Variants in SLC24A3 observed in about 807,000 individuals in gnomAD.
SLC24A3 encodes the protein sodium/potassium/calcium exchanger 3.
In SLC24A3, 28 loss-of-function variants were observed where a neutral mutation model predicts 75.8. The ratio of observed to expected loss-of-function variants is 0.37; its 90% CI spans 0.27 to 0.51. The LOEUF (loss-of-function observed/expected upper bound fraction) is 0.51. SLC24A3 is among the 20% of genes least tolerant of loss of function. SLC24A3 has a pLI of 0.94. For synonymous variants in SLC24A3, 372 were observed against 334.1 expected (o/e 1.11, Z -1.24); for missense variants, 663 against 847.8 (o/e 0.78, Z 2.71).
In SLC24A3 at chr20:19,316,845, A is replaced by G. The variant is rs1984599502; in HGVS notation, c.271+35758A>G. Among the ~76,000 whole-genome samples, 4 of 152,158 alleles carry G rather than the reference A, an allele frequency of 2.6e-5. No homozygotes were observed. In the South Asian group the frequency reaches 8.3e-4, roughly 31 times the overall value. On this transcript the variant is annotated intron_variant, in intron 2 of 16. Transcript: ENST00000328041. ...CTTTTTTTAAAAATTTCCTACTTTT[A>G]TTTTAAGTTCAGGGGTACATGTGCA...
chr20:19,545,117 C>T (rs895939735), intron 3 of SLC24A3, among the ~76,000 whole-genome samples: 10 of 152,146 alleles, frequency 6.6e-5, no homozygotes, highest in African/African-American at 2.4e-4. Context: ...TTACTAGGCT[C>T]CAAGTGGTGA....
chr20:19,604,712 G>T (rs908531336), intron 6 of SLC24A3, among the ~76,000 whole-genome samples: 1 of 152,166 alleles, frequency 6.6e-6, no homozygotes, highest in Non-Finnish European at 1.5e-5. Flanking sequence ...CTCCGCCAGA[G>T]CCCTGGATGC....
chr20:19,363,429 C>T (rs1242391981), intron 2 of SLC24A3, among the ~76,000 whole-genome samples: 2 of 152,228 alleles, frequency 1.3e-5, no homozygotes, highest in African/African-American at 2.4e-5. Context: ...TTCTTAAGTT[C>T]ATTATCCAGA....
intron 2 of SLC24A3, among the ~76,000 whole-genome samples, chr20:19,497,275 C>T (rs151177007): frequency 5.7e-4 from 87 of 152,312 alleles, no homozygotes; most frequent in African/African-American, 2.0e-3. Flanking sequence ...GAACTCCAAA[C>T]CAGTCCCTTT....
At chr20:19,715,075 C>T (rs2033030338) in intron 15 of SLC24A3, among the ~76,000 whole-genome samples, 1 of 152,230 alleles carries the variant, frequency 6.6e-6, no homozygotes, top group African/African-American at 2.4e-5. Flanking sequence ...TACAGTTTCA[C>T]ATCTACCCAA....
chr20:19,559,849 C>T (rs958057578), intron 3 of SLC24A3, among the ~76,000 whole-genome samples: 2 of 151,992 alleles, frequency 1.3e-5, no homozygotes, highest in African/African-American at 4.8e-5. Context: ...CAAAAGCAAA[C>T]CCTAGATGAG....
chr20:19,459,818 A>T (rs1246510930), intron 2 of SLC24A3, among the ~76,000 whole-genome samples: 1 of 152,074 alleles, frequency 6.6e-6, no homozygotes, highest in African/African-American at 2.4e-5. Context: ...TCCCACCCCC[A>T]TTTGGACCAA....
chr20:19,501,147 A>ACTT (rs1275050328), intron 2 of SLC24A3, among the ~76,000 whole-genome samples: 4 of 152,154 alleles, frequency 2.6e-5, no homozygotes, highest in African/African-American at 9.7e-5. Context: ...GAAGTAATTG[A>ACTT]CTTATAATGG....
At chr20:19,472,097 G>A (rs780774387) in intron 2 of SLC24A3, among the ~76,000 whole-genome samples, 49 of 151,992 alleles carry the variant, frequency 3.2e-4, no homozygotes, top group South Asian at 8.3e-4. Flanking sequence ...GGGGTCCACG[G>A]ATCCCTGGAA....
intron 2 of SLC24A3, among the ~76,000 whole-genome samples, chr20:19,381,029 A>G (rs1160168448): frequency 2.0e-5 from 3 of 152,206 alleles, no homozygotes; most frequent in Non-Finnish European, 4.4e-5. Flanking sequence ...TGGTAGGACA[A>G]TATAAGAGTG....
chr20:19,393,674 T>G (rs1219062651), intron 2 of SLC24A3, among the ~76,000 whole-genome samples: 1 of 152,178 alleles, frequency 6.6e-6, no homozygotes, highest in African/African-American at 2.4e-5. Context: ...ATTTGTCCAT[T>G]CAAAACTACA....
intron 9 of SLC24A3, among the ~76,000 whole-genome samples, chr20:19,675,449 C>T (rs952132546): frequency 2.6e-5 from 4 of 152,208 alleles, no homozygotes; most frequent in Admixed American, 2.0e-4. Flanking sequence ...GAAATCAACA[C>T]GGACATTGGC....
At chr20:19,655,150 GCT>G (rs2032251061) in intron 7 of SLC24A3, among the ~76,000 whole-genome samples, 2 of 152,162 alleles carry the variant, frequency 1.3e-5, no homozygotes, top group African/African-American at 4.8e-5. Flanking sequence ...TTCAGCTGAG[GCT>G]CTCTGCATTG....
At chr20:19,687,514 A>G (rs899468269) in intron 12 of SLC24A3, among the ~76,000 whole-genome samples, 1 of 152,224 alleles carries the variant, frequency 6.6e-6, no homozygotes, top group African/African-American at 2.4e-5. Flanking sequence ...CTGTTTTCAG[A>G]GTCCGCCATT....
At chr20:19,648,184 C>CCTGT (rs1341817320) in intron 6 of SLC24A3, among the ~76,000 whole-genome samples, 2 of 152,158 alleles carry the variant, frequency 1.3e-5, no homozygotes, top group Admixed American at 1.3e-4. Flanking sequence ...CCACATCAGG[C>CCTGT]CTGTCTGAAC....
intron 2 of SLC24A3, among the ~76,000 whole-genome samples, chr20:19,363,279 C>T (rs1985825811): frequency 6.6e-6 from 1 of 152,238 alleles, no homozygotes; most frequent in African/African-American, 2.4e-5. Flanking sequence ...TTGGCCAAAG[C>T]TGTGGAGTTC....
At chr20:19,681,004 A>C (rs1462494900) in intron 9 of SLC24A3, among the ~76,000 whole-genome samples, 1 of 152,208 alleles carries the variant, frequency 6.6e-6, no homozygotes, top group Non-Finnish European at 1.5e-5. Flanking sequence ...GGGGAAAAGC[A>C]GTAGCAGCCT....
intron 1 of SLC24A3, among the ~76,000 whole-genome samples, chr20:19,247,131 A>G (rs1183804930): frequency 6.6e-6 from 1 of 152,220 alleles, no homozygotes; most frequent in African/African-American, 2.4e-5. Context: ...AGTTAGAAAC[A>G]AAATCAGTTC....
Position 19,296,286 on chromosome 20 carries a change from T to C in SLC24A3, c.271+15199T>C, listed in dbSNP as rs866623715. 9.6e-3 allele frequency among the ~76,000 whole-genome samples: 1,391 copies of C among 144,766 alleles called. 1 individual carries two copies. Among genetic ancestry groups the C allele is most frequent in the African/African-American group, 0.013 (513 of 38,038 alleles). The allele number at this position is 144,766 out of a possible 152,430, so 95.0% of individuals were successfully genotyped here. The stretch of plus-strand genomic sequence containing the variant: ...TAGTGGTCTTTTTTTTTTTTTTTTT[T>C]CAAAAAAAAATAGCTCCTGGATTCA... On this transcript the variant is annotated intron_variant, in intron 2 of 16. Coordinates refer to ENST00000328041, the MANE Select transcript of SLC24A3 (RefSeq NM_020689.4).
Sources: gnomAD v4.1 joint callset for allele counts (sites outside exome capture counted in the v4.1 genomes callset) on GRCh38, gnomAD v4.1.1 for gene constraint, MANE v1.5 for transcripts, NCBI Gene and HGNC (gene_info 2026-07-23, HGNC 2026-07-21) for gene names.